The following YTHDF1 variants were observed in gnomAD, a reference collection of about 807,000 sequenced individuals.
YTHDF1 encodes the protein YTH N6-methyladenosine RNA binding protein F1, also known as YTH domain-containing family protein 1.
In YTHDF1, 16 loss-of-function variants were observed where a neutral mutation model predicts 49.1. That is an observed-to-expected ratio of 0.33 (90% CI 0.22 to 0.49). The LOEUF is 0.49. Ranked by LOEUF, YTHDF1 falls within the 20% of genes least tolerant of loss-of-function variation. The pLI is 0.99. For missense variants in YTHDF1, 621 were observed against 744.3 expected, an observed-to-expected ratio of 0.83 and a Z score of 1.93; for synonymous variants, 313 against 290.1, an observed-to-expected ratio of 1.08 and a Z score of -0.80.
intron 2 of YTHDF1, among the ~76,000 whole-genome samples, chr20:63,214,278 G>C (rs2066590422): frequency 6.6e-6 from 1 of 152,206 alleles, no homozygotes; most frequent in Admixed American, 6.5e-5. Context: ...AAAAGAAGTG[G>C]AGCCTCCAAA....
At chr20:63,212,322 G>A (rs2066578553) in intron 3 of YTHDF1, among the ~76,000 whole-genome samples, 1 of 152,236 alleles carries the variant, frequency 6.6e-6, no homozygotes, top group African/African-American at 2.4e-5. Flanking sequence ...GCCAAGTGCA[G>A]TAGGAGGGAG....
chr20:63,203,436 G>T lies in YTHDF1; in HGVS notation c.504C>A (p.Gly168=), dbSNP rs554712140. Residue 168 remains glycine (G), a synonymous_variant, in exon 4 of 5, where the codon GGC becomes GGA. Coordinates refer to ENST00000370339, the MANE Select transcript of YTHDF1 (RefSeq NM_017798.4). This position sits in a 1 kb window ranked among gnomAD's most constrained non-coding sequence, Gnocchi z 4.4. ...CCTTGCTGAGGGTGTCGCTGTGAAA[G>T]CCTGGCTGCCCATCAACCACCGTGC... The part of the protein sequence containing the change: ...LGGTVVDGQP[G]FHSDTLSKAP... The T allele has an allele frequency of 2.5e-6, 4 of 1,612,626 alleles. No individual in the cohort carries two copies. Among genetic ancestry groups the T allele is most frequent in the Non-Finnish European group, 3.4e-6 (4 of 1,179,564 alleles).
intron 3 of YTHDF1, among the ~76,000 whole-genome samples, chr20:63,208,818 C>A (rs2066560188): frequency 6.6e-6 from 1 of 152,204 alleles, no homozygotes; most frequent in African/African-American, 2.4e-5. Context: ...CTGTGCCAAG[C>A]ATCTCCAGGC....
At chr20:63,202,208 C>T in intron 4 of YTHDF1, 79 bp downstream of exon 4, 4 of 1,520,708 alleles carry the variant, frequency 2.6e-6, no homozygotes, top group Non-Finnish European at 3.5e-6. Context: ...GCCGCATCTG[C>T]TCACCACCGG....
intron 3 of YTHDF1, among the ~76,000 whole-genome samples, chr20:63,212,002 C>G (rs1402261918): frequency 7.8e-6 from 1 of 128,016 alleles, no homozygotes; most frequent in South Asian, 2.6e-4. Context: ...CACACACACA[C>G]ACACACTTTT....
At chr20:63,205,845 C>T (rs926950864) in intron 3 of YTHDF1, among the ~76,000 whole-genome samples, 6 of 152,190 alleles carry the variant, frequency 3.9e-5, no homozygotes, top group African/African-American at 1.4e-4. Flanking sequence ...ACTGCTGTTT[C>T]CCCGTAATAT....
At chr20:63,206,887 C>A (rs1184978945) in intron 3 of YTHDF1, among the ~76,000 whole-genome samples, 2 of 147,368 alleles carry the variant, frequency 1.4e-5, no homozygotes, top group African/African-American at 5.4e-5. Context: ...ACATGTCAGG[C>A]TGCTGCCCCA....
At chr20:63,211,815 G>A (rs1445065956) in intron 3 of YTHDF1, among the ~76,000 whole-genome samples, 1 of 152,040 alleles carries the variant, frequency 6.6e-6, no homozygotes, top group South Asian at 2.1e-4. Flanking sequence ...TCAATCACCA[G>A]GTGTAGTGGT....
At chr20:63,197,952 G>A (rs556341851) in intron 4 of YTHDF1, among the ~76,000 whole-genome samples, 6 of 152,268 alleles carry the variant, frequency 3.9e-5, no homozygotes, top group Admixed American at 1.3e-4. Flanking sequence ...CTCCTCAACT[G>A]TGGCTGCTCT....
At chr20:63,214,597 G>A (rs751593969) in intron 2 of YTHDF1, among the ~76,000 whole-genome samples, 3 of 152,218 alleles carry the variant, frequency 2.0e-5, no homozygotes, top group Non-Finnish European at 4.4e-5. Context: ...TTGGTCCGGA[G>A]AGGCGGGACA....
intron 3 of YTHDF1, among the ~76,000 whole-genome samples, chr20:63,205,871 G>A (rs550697279): frequency 3.9e-5 from 6 of 152,298 alleles, no homozygotes; most frequent in African/African-American, 1.4e-4. Flanking sequence ...TGAGATTCTG[G>A]GGGTATAAGA....
At position 63,213,937 on chromosome 20, in the gene YTHDF1, T is replaced by C. The variant is rs774710724; in HGVS notation, c.59A>G (p.Asn20Ser). Residue 20 changes from asparagine to serine, a missense_variant, in exon 3 of 5, where the codon AAT becomes AGT. Physicochemically the swap from Asn to Ser is conservative, Grantham distance 46 (BLOSUM62 1). Coordinates refer to ENST00000370339, the MANE Select transcript of YTHDF1 (RefSeq NM_017798.4). ...RTKGQDNKVQ[N>S]GSLHQKDTVH... The stretch of plus-strand genomic sequence containing the variant: ...TGTATCCTTCTGATGTAACGAACCA[T>C]TTTGTACTAGAACAAAAAGTTGCAA... The C allele has an allele frequency of 1.5e-5, 23 of 1,562,210 alleles. No homozygotes were observed. The African/African-American group carries it at 2.3e-4, about 15-fold the overall frequency.
At position 63,203,198 on chromosome 20, in the gene YTHDF1, T is replaced by C. The variant is rs1174291786; in HGVS notation, c.742A>G (p.Met248Val). 5.6e-6 allele frequency: 9 copies of C among 1,613,870 alleles called. No homozygotes were observed. The highest frequency in any genetic ancestry group is 2.7e-5 in the African/African-American group (2 of 74,936). The change falls in exon 4 of 5, where the codon ATG (methionine) becomes GTG (valine). Residue 248 changes from methionine (M) to valine (V), a missense_variant. Physicochemically the swap from Met to Val is conservative, Grantham distance 21. Transcript: ENST00000370339. This position sits in a 1 kb window ranked among gnomAD's most constrained non-coding sequence, Gnocchi z 4.4. ...ASKPAKPQPK[M>V]KTKSGPVMGG... ...ATGACAGGCCCGCTCTTTGTTTTCA[T>C]TTTAGGCTGTGGTTTTGCAGGCTTG...
rs1217062913 is a variant in YTHDF1 at position 63,203,562 on chromosome 20, G to A, written c.378C>T (p.Asn126=). Residue 126 remains asparagine (N), a synonymous_variant, in exon 4 of 5, where the codon AAC becomes AAT. Coordinates refer to ENST00000370339, the MANE Select transcript of YTHDF1 (RefSeq NM_017798.4). This position sits in a 1 kb window ranked among gnomAD's most constrained non-coding sequence, Gnocchi z 4.4. ...TTGTCCCCCATGCTGAGAACGCAGG[G>A]TTTTCAGGGAAAAAATTGAACCTGT... ...YQHRFNFFPE[N]PAFSAWGTSG... is the part of the protein sequence containing the mutation. The A allele has an allele frequency of 6.2e-7, 1 of 1,614,032 alleles. No homozygotes were observed. The highest frequency in any genetic ancestry group is 8.5e-7 in the Non-Finnish European group (1 of 1,180,034).
chr20:63,196,806 G>A lies in YTHDF1; in HGVS notation c.1654-72C>T, dbSNP rs371325575. On this transcript the variant is annotated intron_variant, in intron 4 of 4. Coordinates refer to ENST00000370339, the MANE Select transcript of YTHDF1 (RefSeq NM_017798.4). ...TGAATCCCTCCCAAAAGTGAGATCC[G>A]AGGCTGCCCCTTAGCAGCACCTGCA... is the stretch of plus-strand genomic sequence containing the variant. 60 of 1,592,734 alleles carry A rather than the reference G, an allele frequency of 3.8e-5. No homozygotes were observed. The South Asian group carries it at 3.8e-4, about 10-fold the overall frequency.
chr20:63,204,475 G>T (rs1409453707), intron 3 of YTHDF1, among the ~76,000 whole-genome samples: 1 of 152,204 alleles, frequency 6.6e-6, no homozygotes, highest in Non-Finnish European at 1.5e-5. Context: ...ACATTCCCAT[G>T]ATTTCCTGGG....
rs2066491025 is a variant in YTHDF1, at chr20:63,196,085, G to C, written c.*623C>G. 1 of 151,638 alleles carries C rather than the reference G, an allele frequency of 6.6e-6. No individual in the cohort carries two copies. The highest frequency in any genetic ancestry group is 1.5e-5 in the Non-Finnish European group (1 of 68,016). 9.4% of individuals were successfully genotyped at this position (151,638 alleles called of 1,614,324 possible). A position where few individuals can be genotyped will look rare whatever the true frequency, so the allele number is the denominator to read the frequency against. On this transcript the variant is annotated 3_prime_UTR_variant, in exon 5 of 5. Coordinates refer to ENST00000370339, the MANE Select transcript of YTHDF1 (RefSeq NM_017798.4). ...CGGACACCAGGACAGTGAGGGACGGGTGGCTGTTCAGTGGGCAACAGATCT... is the reference window on the plus strand; with the variant it reads ...CGGACACCAGGACAGTGAGGGACGGCTGGCTGTTCAGTGGGCAACAGATCT...
At chr20:63,201,134 CAA>C (rs57842318) in intron 4 of YTHDF1, among the ~76,000 whole-genome samples, 3,665 of 152,066 alleles carry the variant, frequency 0.024, 114 homozygotes, top group African/African-American at 0.07. Flanking sequence ...TCTTTTCTCA[CAA>C]AAGAGAGGGA....
intron 3 of YTHDF1, among the ~76,000 whole-genome samples, chr20:63,213,595 C>T (rs1341097162): frequency 2.6e-5 from 4 of 152,166 alleles, no homozygotes; most frequent in African/African-American, 7.2e-5. Flanking sequence ...GCAAGACACA[C>T]CACTGACCCA....
Sources: allele counts gnomAD v4.1 joint callset (sites outside exome capture counted in the v4.1 genomes callset), GRCh38; gene constraint gnomAD v4.1.1; non-coding constraint Gnocchi (gnomAD v3.1); transcripts MANE v1.5; gene names NCBI Gene and HGNC (gene_info 2026-07-23, HGNC 2026-07-21).